The following DOCK8 variants were observed in gnomAD, a reference collection of about 807,000 sequenced individuals.
The protein encoded by DOCK8 is dedicator of cytokinesis protein 8.
In DOCK8, 141 loss-of-function variants were observed where a neutral mutation model predicts 245.6. That is an observed-to-expected ratio of 0.57 (90% confidence interval 0.50 to 0.66). DOCK8 has a LOEUF of 0.66. Ranked by LOEUF, DOCK8 falls within the 30% of genes least tolerant of loss-of-function variation. The probability of loss-of-function intolerance (pLI) is 0.00; values close to 1 mark genes in which losing one functional copy is unlikely to be tolerated. For missense variants in DOCK8, 2,965 were observed against 2,603.4 expected (o/e 1.14, Z -3.02); for synonymous variants, 1,168 against 970.2 (o/e 1.20, Z -3.79).
chr9:357,044 T>C (rs1388129710), intron 14 of DOCK8, among the ~76,000 whole-genome samples: 1 of 152,230 alleles, frequency 6.6e-6, no homozygotes, highest in Non-Finnish European at 1.5e-5. Context: ...CCTTTGGGTC[T>C]TTGCTATTGA....
intron 4 of DOCK8, among the ~76,000 whole-genome samples, chr9:292,387 CAAAAAAAAAAA>C (rs5895837): frequency 4.8e-5 from 3 of 63,070 alleles, no homozygotes; most frequent in African/African-American, 2.1e-4. Flanking sequence ...AACTCCGTCT[CAAAAAAAAAAA>C]AAAAAAAAAA....
rs544042565 is a variant in DOCK8 at position 403,928 on chromosome 9, A to G, written c.3235-990A>G. Among the ~76,000 whole-genome samples the G allele has an allele frequency of 5.6e-3, 417 of 74,078 alleles. 1 individual carries two copies. The highest frequency in any genetic ancestry group is 7.4e-3 in the Non-Finnish European group (324 of 43,600). The allele number at this position is 74,078 out of a possible 152,430, so 48.6% of individuals were successfully genotyped here. A position where few individuals can be genotyped will look rare whatever the true frequency, so the allele number is the denominator to read the frequency against. ...TATATATATATATACATATATATAT[A>G]TGTGTATATATATATGTGTATATAT... On this transcript the variant is annotated intron_variant, in intron 26 of 47. Transcript: ENST00000432829.
chr9:216,450 C>T (rs779854659), intron 1 of DOCK8, among the ~76,000 whole-genome samples: 67 of 149,708 alleles, frequency 4.5e-4, no homozygotes, highest in Middle Eastern at 3.4e-3. Context: ...ACAAGAGCAT[C>T]GCTTGAGCCC....
In DOCK8 at chr9:439,253, T is replaced by C; in HGVS notation, c.5088T>C (p.Ser1696=). The part of the protein sequence containing the change: ...PVGSVSFQNI[S]SNVLEESVVS... ...ACTGTGGTCTCTTTCAGAATATTTCTTCCAATGTGCTGGAGGAGTCTGTGG... is the reference window on the plus strand; with the variant it reads ...ACTGTGGTCTCTTTCAGAATATTTCCTCCAATGTGCTGGAGGAGTCTGTGG... Residue 1696 remains serine (S), a synonymous_variant, in exon 40 of 48, where the codon TCT becomes TCC. Transcript: ENST00000432829. The C allele has an allele frequency of 6.2e-7, 1 of 1,614,194 alleles. No homozygotes were observed. Among genetic ancestry groups the C allele is most frequent in the Non-Finnish European group, 8.5e-7 (1 of 1,180,020 alleles).
In DOCK8 at chr9:441,859, A is replaced by C; in HGVS notation, c.5356-16A>C. 1.9e-6 allele frequency: 3 copies of C among 1,614,100 alleles called. No individual in the cohort carries two copies. The highest frequency in any genetic ancestry group is 2.5e-6 in the Non-Finnish European group (3 of 1,180,010). ...ATGACATAACTAAGGAGAGCTTTTT[A>C]TATTTTGTTCCTCAGGATCATAAGA... On this transcript the variant is annotated splice_polypyrimidine_tract_variant and intron_variant, in intron 41 of 47. Coordinates refer to ENST00000432829, the MANE Select transcript of DOCK8 (RefSeq NM_203447.4).
At chr9:233,509 C>T (rs1385254296) in intron 1 of DOCK8, among the ~76,000 whole-genome samples, 1 of 151,628 alleles carries the variant, frequency 6.6e-6, no homozygotes, top group Admixed American at 6.6e-5. Flanking sequence ...TTAAAGTCTC[C>T]CATTATTATT....
Position 403,358 on chromosome 9 carries a change from T to C in DOCK8, c.3235-1560T>C, listed in dbSNP as rs188625160. Among the ~76,000 whole-genome samples, 370 of 152,330 alleles carry C rather than the reference T, an allele frequency of 2.4e-3. 1 individual carries two copies. The highest frequency in any genetic ancestry group is 8.5e-3 in the African/African-American group (353 of 41,570). On this transcript the variant is annotated intron_variant, in intron 26 of 47. Transcript: ENST00000432829. ...GGCACATGACCAAGTTCTAATCCCT[T>C]CAATGTGCTGGTGGCTCCACTGGTC... is the stretch of plus-strand genomic sequence containing the variant.
chr9:338,713 C>A (rs73639057), intron 12 of DOCK8, among the ~76,000 whole-genome samples: 5 of 151,852 alleles, frequency 3.3e-5, no homozygotes, highest in African/African-American at 1.2e-4. Context: ...TGAGAGTTAT[C>A]GGGGGGAAGC....
chr9:214,847 A>G (rs80013679), upstream of DOCK8: 103 of 1,601,678 alleles, frequency 6.4e-5, no homozygotes, highest in African/African-American at 1.1e-3. Context: ...GGAAATGCGG[A>G]AGTTTCCAGC....
chr9:347,204 G>A (rs1270374879), intron 14 of DOCK8, among the ~76,000 whole-genome samples: 1 of 152,072 alleles, frequency 6.6e-6, no homozygotes, highest in Non-Finnish European at 1.5e-5. Context: ...GTACCATATG[G>A]AGTTGTCAAA....
intron 14 of DOCK8, among the ~76,000 whole-genome samples, chr9:344,751 A>G (rs897234861): frequency 6.6e-6 from 1 of 152,160 alleles, no homozygotes; most frequent in Non-Finnish European, 1.5e-5. Context: ...CACTCCCAAG[A>G]GTATTATCAT....
intron 1 of DOCK8, among the ~76,000 whole-genome samples, chr9:242,283 C>G (rs892778012): frequency 3.3e-5 from 5 of 152,122 alleles, no homozygotes; most frequent in Non-Finnish European, 5.9e-5. Flanking sequence ...CCAAGCCAAT[C>G]AAAAATGATA....
intron 5 of DOCK8, among the ~76,000 whole-genome samples, chr9:309,794 A>G (rs1384205753): frequency 1.3e-5 from 2 of 152,220 alleles, no homozygotes; most frequent in Non-Finnish European, 2.9e-5. Context: ...ACACAATTTA[A>G]TTTGGAAGGC....
intron 1 of DOCK8, among the ~76,000 whole-genome samples, chr9:251,044 C>T (rs762029266): frequency 2.6e-5 from 4 of 152,136 alleles, no homozygotes; most frequent in Non-Finnish European, 5.9e-5. Context: ...AAAGAGGAGT[C>T]TAGGGACAGA....
chr9:240,180 A>G (rs1276214917), intron 1 of DOCK8, among the ~76,000 whole-genome samples: 1 of 152,298 alleles, frequency 6.6e-6, no homozygotes, highest in East Asian at 1.9e-4. Flanking sequence ...CTTTACCTCA[A>G]GTCTTGGGGA....
intron 16 of DOCK8, 50 bp from the exon 17 acceptor site, chr9:371,378 G>T: frequency 1.2e-6 from 2 of 1,610,908 alleles, no homozygotes; most frequent in Non-Finnish European, 1.7e-6. Flanking sequence ...AATCAGAGAA[G>T]TCATCATTCT....
intron 1 of DOCK8, among the ~76,000 whole-genome samples, chr9:245,379 G>C (rs1356399610): frequency 2.0e-5 from 3 of 151,702 alleles, no homozygotes; most frequent in Non-Finnish European, 4.4e-5. Context: ...TGATTTTTTT[G>C]TATTTTTTTG....
intron 14 of DOCK8, among the ~76,000 whole-genome samples, chr9:347,520 A>G (rs977620990): frequency 2.6e-5 from 4 of 152,076 alleles, no homozygotes; most frequent in Non-Finnish European, 4.4e-5. Context: ...CAAAAACAAA[A>G]AACTCTGTCC....
At chr9:310,050 T>G (rs2050026958) in intron 5 of DOCK8, among the ~76,000 whole-genome samples, 2 of 152,092 alleles carry the variant, frequency 1.3e-5, no homozygotes, top group Non-Finnish European at 2.9e-5. Context: ...GGTGGATCAC[T>G]TGAGGTCAGG....
Sources: gnomAD v4.1 joint callset for allele counts (sites outside exome capture counted in the v4.1 genomes callset) on GRCh38, gnomAD v4.1.1 for gene constraint, MANE v1.5 for transcripts, NCBI Gene and HGNC (gene_info 2026-07-23, HGNC 2026-07-21) for gene names.